The following SCN8A variants were observed in gnomAD, a reference collection of about 807,000 sequenced individuals.
SCN8A encodes sodium voltage-gated channel alpha subunit 8.
A neutral mutation model predicts 184.1 loss-of-function variants in SCN8A; 30 were observed. The observed-to-expected ratio is 0.16, with a 90% CI of 0.12 to 0.22. The LOEUF (loss-of-function observed/expected upper bound fraction) is 0.22. Ranked by LOEUF, SCN8A falls within the 10% of genes least tolerant of loss-of-function variation. SCN8A has a pLI of 1.00. For synonymous variants in SCN8A, 852 were observed against 907.0 expected (o/e 0.94, Z 1.09); for missense variants, 1,057 against 2,498.9 (o/e 0.42, Z 12.30).
intron 26 of SCN8A, among the ~76,000 whole-genome samples, chr12:51,804,495 C>CTT (rs35338908): frequency 0.79 from 113,043 of 142,402 alleles, 45,419 homozygotes; most frequent in East Asian, 0.97. Flanking sequence ...ATTTTTGTAC[C>CTT]TTTTTTTTTT....
chr12:51,706,003 CA>C (rs1941777425), intron 10 of SCN8A, among the ~76,000 whole-genome samples: 1 of 152,144 alleles, frequency 6.6e-6, no homozygotes, highest in Admixed American at 6.6e-5. Flanking sequence ...AAGATACAGG[CA>C]AAATATTAAA....
rs796053229 is a variant in SCN8A, at chr12:51,807,101, G to A, written c.5615G>A (p.Arg1872Gln). Residue 1872 changes from arginine to glutamine, a missense_variant, in exon 27 of 27, where the codon CGG becomes CAG. By Grantham distance (43) the Arg-to-Gln change is conservative (BLOSUM62 1). Transcript: ENST00000627620. The surrounding 1 kb of genome is among the most constrained non-coding windows in gnomAD (Gnocchi z 4.5). Reference protein sequence around the residue: ...LDILRQQMEERFVASNPSKVS... With the variant: ...LDILRQQMEEQFVASNPSKVS... ...ATCCTGCGGCAGCAGATGGAAGAGC[G>A]GTTCGTGGCATCCAATCCTTCCAAA... 6.2e-7 allele frequency: 1 copy of A among 1,613,978 alleles called. No homozygotes were observed. Among genetic ancestry groups the A allele is most frequent in the Admixed American group, 1.7e-5 (1 of 60,018 alleles).
chr12:51,652,291 A>G (rs567855169), intron 1 of SCN8A, among the ~76,000 whole-genome samples: 9 of 152,236 alleles, frequency 5.9e-5, no homozygotes. Context: ...TGTCCAGTAC[A>G]TCATCCCTGC....
intron 6 of SCN8A, among the ~76,000 whole-genome samples, chr12:51,695,896 G>A (rs910772518): frequency 6.6e-6 from 1 of 152,202 alleles, no homozygotes; most frequent in Non-Finnish European, 1.5e-5. Context: ...AGACATGGCT[G>A]CTGAGAGCTC....
chr12:51,780,381 G>T (rs986908398), intron 20 of SCN8A: 3 of 349,840 alleles, frequency 8.6e-6, no homozygotes, highest in Non-Finnish European at 5.4e-6. Context: ...ATGTTCTACC[G>T]CCTTCTCGAT....
In SCN8A at chr12:51,689,002, C is replaced by T. The variant is rs760208289; in HGVS notation, c.615-3C>T. 5.6e-6 allele frequency: 9 copies of T among 1,613,096 alleles called. No individual in the cohort carries two copies. Among genetic ancestry groups the T allele is most frequent in the Non-Finnish European group, 7.6e-6 (9 of 1,179,228 alleles). The stretch of plus-strand genomic sequence containing the variant: ...TGTCTGTGTGTGACCTCCCTTACTA[C>T]AGATATGTGACAGAGTTTGTGGACC... On this transcript the variant is annotated splice_polypyrimidine_tract_variant and splice_region_variant and intron_variant, in intron 5 of 26. Coordinates refer to ENST00000627620, the MANE Select transcript of SCN8A (RefSeq NM_001330260.2).
At chr12:51,618,091 A>G (rs1939879144) in intron 1 of SCN8A, among the ~76,000 whole-genome samples, 1 of 152,054 alleles carries the variant, frequency 6.6e-6, no homozygotes, top group Non-Finnish European at 1.5e-5. Flanking sequence ...TTGGACTTTT[A>G]GTTTCTCTAT....
chr12:51,805,773 T>C (rs1938683131), intron 26 of SCN8A, among the ~76,000 whole-genome samples: 1 of 152,046 alleles, frequency 6.6e-6, no homozygotes, highest in Non-Finnish European at 1.5e-5. Flanking sequence ...GTGTTAGTTA[T>C]GTGTGTTAGG....
chr12:51,736,598 C>T (rs1054210937), intron 12 of SCN8A, among the ~76,000 whole-genome samples: 3 of 152,166 alleles, frequency 2.0e-5, no homozygotes, highest in African/African-American at 7.2e-5. Context: ...ATTGCAATAG[C>T]AACTAGGCCA....
chr12:51,775,623 C>G (rs1177995348), intron 20 of SCN8A, among the ~76,000 whole-genome samples: 1 of 152,162 alleles, frequency 6.6e-6, no homozygotes, highest in African/African-American at 2.4e-5. Context: ...CCTGTACCCC[C>G]CACAGACAGA....
chr12:51,689,051 A>G lies in SCN8A; in HGVS notation c.661A>G (p.Thr221Ala). 6.2e-7 allele frequency: 1 copy of G among 1,613,958 alleles called. No individual in the cohort carries two copies. Among genetic ancestry groups the G allele is most frequent in the Non-Finnish European group, 8.5e-7 (1 of 1,179,986 alleles). ...CCTGGGCAATGTCTCAGCGCTGAGAACATTCAGGGTTCTCCGAGCTTTGAA... is the reference window on the plus strand; with the variant it reads ...CCTGGGCAATGTCTCAGCGCTGAGAGCATTCAGGGTTCTCCGAGCTTTGAA... ...VDLGNVSALRTFRVLRALKTI... is the reference protein window; with the variant it reads ...VDLGNVSALRAFRVLRALKTI... Residue 221 changes from threonine to alanine, a missense_variant, in exon 6 of 27, where the codon ACA (threonine) becomes GCA (alanine). Coordinates refer to ENST00000627620, the MANE Select transcript of SCN8A (RefSeq NM_001330260.2).
chr12:51,782,395 C>T (rs1303298341), intron 21 of SCN8A, among the ~76,000 whole-genome samples: 2 of 152,174 alleles, frequency 1.3e-5, no homozygotes, highest in Non-Finnish European at 2.9e-5. Context: ...TGCATGTTTT[C>T]CAGAGGGAGC....
intron 14 of SCN8A, 96 bp from the exon 15 acceptor site, chr12:51,762,407 C>T: frequency 3.4e-6 from 4 of 1,175,534 alleles, no homozygotes; most frequent in Non-Finnish European, 4.9e-6. Context: ...AAGGTTAACT[C>T]TTGAGGTTTC....
At chr12:51,724,661 A>G (rs182100928) in intron 12 of SCN8A, among the ~76,000 whole-genome samples, 1 of 152,366 alleles carries the variant, frequency 6.6e-6, no homozygotes, top group African/African-American at 2.4e-5. Flanking sequence ...ATGGATCAAC[A>G]TGGGCAGTAG....
At chr12:51,604,037 G>A (rs764421626) in intron 1 of SCN8A, among the ~76,000 whole-genome samples, 6 of 152,008 alleles carry the variant, frequency 3.9e-5, no homozygotes, top group Non-Finnish European at 7.4e-5. Flanking sequence ...TTTCTTAATA[G>A]TGTTTTTATA....
At chr12:51,629,142 G>T (rs977700779) in intron 1 of SCN8A, among the ~76,000 whole-genome samples, 1 of 152,196 alleles carries the variant, frequency 6.6e-6, no homozygotes, top group Non-Finnish European at 1.5e-5. Context: ...TTGAGAAATA[G>T]ATTTCTTTAT....
intron 12 of SCN8A, among the ~76,000 whole-genome samples, chr12:51,736,819 A>T (rs959262840): frequency 1.3e-4 from 20 of 152,218 alleles, no homozygotes; most frequent in Non-Finnish European, 1.5e-5. Flanking sequence ...AATCACATTA[A>T]TAGGCATTTC....
At chr12:51,765,629 G>T in intron 15 of SCN8A, 42 bp from the exon 16 acceptor site, 1 of 1,153,174 alleles carries the variant, frequency 8.7e-7, no homozygotes, top group South Asian at 1.6e-5. Context: ...AAAATTGATT[G>T]AGTATCATTT....
chr12:51,689,930 G>A (rs1941479629), intron 6 of SCN8A: 1 of 152,164 alleles, frequency 6.6e-6, no homozygotes, highest in Non-Finnish European at 1.5e-5. Context: ...AGCTAGCCCA[G>A]TGGTTCTTAA....
Sources: gnomAD v4.1 joint callset for allele counts (sites outside exome capture counted in the v4.1 genomes callset) on GRCh38, gnomAD v4.1.1 for gene constraint, Gnocchi (gnomAD v3.1) non-coding constraint, MANE v1.5 for transcripts, NCBI Gene and HGNC (gene_info 2026-07-23, HGNC 2026-07-21) for gene names.